The following GSG1L variants were observed in gnomAD, a reference collection of about 807,000 sequenced individuals.
GSG1L encodes germ cell-specific gene 1-like protein.
GSG1L carries 24 observed loss-of-function variants against 42.1 expected under a neutral mutation model. That is an observed-to-expected ratio of 0.57 (90% CI 0.41 to 0.80). GSG1L has a LOEUF of 0.80. GSG1L is among the 30% of genes least tolerant of loss of function. The probability of loss-of-function intolerance (pLI) is 0.00; values close to 1 mark genes in which losing one functional copy is unlikely to be tolerated. For synonymous variants in GSG1L, 215 were observed against 203.5 expected, an observed-to-expected ratio of 1.06 and a Z score of -0.48; for missense variants, 445 against 472.2, an observed-to-expected ratio of 0.94 and a Z score of 0.53.
At chr16:28,033,996 G>A (rs1184638056) in intron 1 of GSG1L, among the ~76,000 whole-genome samples, 1 of 152,144 alleles carries the variant, frequency 6.6e-6, no homozygotes, top group Non-Finnish European at 1.5e-5. Flanking sequence ...CCATCTTAGA[G>A]ATCAGAGACC....
chr16:27,888,479 T>TTTCCTTCCTTCC lies in GSG1L; in HGVS notation c.398-3842_398-3841insGGAAGGAAGGAA, dbSNP rs2084069803. Among the ~76,000 whole-genome samples, 6 of 44,388 alleles carry TTTCCTTCCTTCC rather than the reference T, an allele frequency of 1.4e-4. 2 individuals carry two copies. The highest frequency in any genetic ancestry group is 4.5e-4 in the African/African-American group (6 of 13,446). 29.1% of individuals were successfully genotyped at this position (44,388 alleles called of 152,430 possible). A position where few individuals can be genotyped will look rare whatever the true frequency, so the allele number is the denominator to read the frequency against. On this transcript the variant is annotated intron_variant, in intron 2 of 6. Coordinates refer to ENST00000447459, the MANE Select transcript of GSG1L (RefSeq NM_001109763.2). ...TTCTTTCTTTCTCTCTCTCTCTCTC[T>TTTCCTTCCTTCC]TTCCTTTCTTTCTTTCTTTCTTTCT...
At chr16:27,822,993 G>A (rs1360688815) in intron 5 of GSG1L, among the ~76,000 whole-genome samples, 1 of 152,182 alleles carries the variant, frequency 6.6e-6, no homozygotes, top group Non-Finnish European at 1.5e-5. Flanking sequence ...AGTGAGGCGG[G>A]TCATTTGTTT....
chr16:27,856,524 G>A (rs1000210942), intron 3 of GSG1L, among the ~76,000 whole-genome samples: 4 of 152,126 alleles, frequency 2.6e-5, no homozygotes, highest in Admixed American at 1.3e-4. Context: ...TATGTTGCCC[G>A]GGATGGTCTC....
chr16:27,815,145 A>G (rs1276216976), intron 5 of GSG1L, among the ~76,000 whole-genome samples: 2 of 152,186 alleles, frequency 1.3e-5, no homozygotes, highest in African/African-American at 4.8e-5. Context: ...ATCCACTGAT[A>G]TGGTTTGGAT....
chr16:28,013,514 G>T (rs2085748031), intron 1 of GSG1L, among the ~76,000 whole-genome samples: 1 of 152,180 alleles, frequency 6.6e-6, no homozygotes, highest in African/African-American at 2.4e-5. Context: ...TGCTTGGCAG[G>T]GAAATGTTAC....
intron 3 of GSG1L, among the ~76,000 whole-genome samples, chr16:27,874,272 G>C (rs1012541024): frequency 2.6e-5 from 4 of 151,978 alleles, no homozygotes; most frequent in Non-Finnish European, 5.9e-5. Flanking sequence ...TCACTAAAAA[G>C]ATCAGCCTTG....
intron 1 of GSG1L, among the ~76,000 whole-genome samples, chr16:28,006,560 C>T (rs1406762474): frequency 8.5e-5 from 13 of 152,052 alleles, no homozygotes; most frequent in African/African-American, 1.7e-4. Flanking sequence ...CTGCCCACCT[C>T]GGCCTCCCAA....
intron 1 of GSG1L, among the ~76,000 whole-genome samples, chr16:28,052,208 A>G (rs55987423): frequency 6.6e-6 from 1 of 152,058 alleles, no homozygotes; most frequent in Non-Finnish European, 1.5e-5. Context: ...GAGGGGCAGG[A>G]GTGGGGTGTG....
chr16:28,016,801 A>G (rs935789972), intron 1 of GSG1L, among the ~76,000 whole-genome samples: 1 of 152,132 alleles, frequency 6.6e-6, no homozygotes, highest in Non-Finnish European at 1.5e-5. Context: ...ATAGAAGGGG[A>G]GATTGACGCT....
rs774243965 is a variant in GSG1L, at chr16:27,942,639, CA to C, written c.397+20516del. ...CAGGCACTTCATGCAAGAGAAGTTC[CA>C]AATAGCCATAAACACAAAAAGATGT... is the stretch of plus-strand genomic sequence containing the variant. On this transcript the variant is annotated intron_variant, in intron 2 of 6. Coordinates refer to ENST00000447459, the MANE Select transcript of GSG1L (RefSeq NM_001109763.2). Among the ~76,000 whole-genome samples the C allele has an allele frequency of 5.3e-5, 8 of 152,232 alleles. No individual in the cohort carries two copies. In the East Asian group the frequency reaches 1.5e-3, roughly 29 times the overall value.
intron 5 of GSG1L, among the ~76,000 whole-genome samples, chr16:27,814,028 A>C (rs1277772759): frequency 1.3e-5 from 2 of 152,220 alleles, no homozygotes; most frequent in African/African-American, 2.4e-5. Context: ...GACCTGCCAC[A>C]GAAGATAGGC....
chr16:27,838,766 C>T (rs1427667980), intron 4 of GSG1L, among the ~76,000 whole-genome samples: 2 of 152,172 alleles, frequency 1.3e-5, no homozygotes, highest in Non-Finnish European at 1.5e-5. Context: ...ACCCTCAGGG[C>T]CCAAGAGCTG....
chr16:28,060,566 G>C (rs2141204347), intron 1 of GSG1L, among the ~76,000 whole-genome samples: 1 of 152,310 alleles, frequency 6.6e-6, no homozygotes, highest in South Asian at 2.1e-4. Context: ...TTTTGGGAGT[G>C]AGGGTCTTAA....
At chr16:27,924,312 C>A (rs2084566132) in intron 2 of GSG1L, among the ~76,000 whole-genome samples, 2 of 136,892 alleles carry the variant, frequency 1.5e-5, no homozygotes, top group African/African-American at 5.5e-5. Flanking sequence ...AATGTATATG[C>A]ATACGTGTAT....
intron 2 of GSG1L, among the ~76,000 whole-genome samples, chr16:27,893,489 A>G (rs1438608728): frequency 6.6e-6 from 1 of 152,352 alleles, no homozygotes; most frequent in African/African-American, 2.4e-5. Flanking sequence ...TGTAAATCAC[A>G]CAAGCCCGAC....
intron 2 of GSG1L, among the ~76,000 whole-genome samples, chr16:27,886,396 C>T (rs530657434): frequency 7.9e-5 from 12 of 152,262 alleles, no homozygotes; most frequent in African/African-American, 2.9e-4. Flanking sequence ...GCCGAGATAG[C>T]ACCACTGCAC....
At chr16:27,974,885 C>G (rs554521069) in intron 1 of GSG1L, among the ~76,000 whole-genome samples, 2 of 151,972 alleles carry the variant, frequency 1.3e-5, no homozygotes, top group African/African-American at 4.8e-5. Context: ...CACTGAAGAC[C>G]GACGAGTGAA....
At chr16:27,820,428 G>T (rs752592627) in intron 5 of GSG1L, among the ~76,000 whole-genome samples, 1 of 152,088 alleles carries the variant, frequency 6.6e-6, no homozygotes, top group South Asian at 2.1e-4. Flanking sequence ...GAGCTGCTTC[G>T]TGGAGTGAGG....
intron 4 of GSG1L, among the ~76,000 whole-genome samples, chr16:27,842,919 T>C (rs1278388785): frequency 3.3e-5 from 5 of 151,844 alleles, no homozygotes; most frequent in East Asian, 3.9e-4. Context: ...AAATTCTTCC[T>C]GGGGACCCGC....
Sources: gnomAD v4.1 joint callset for allele counts (sites outside exome capture counted in the v4.1 genomes callset) on GRCh38, gnomAD v4.1.1 for gene constraint, MANE v1.5 for transcripts, NCBI Gene and HGNC (gene_info 2026-07-23, HGNC 2026-07-21) for gene names.